TRPM8: variants seen among roughly 807,000 people sequenced by gnomAD.
The protein encoded by TRPM8 is TRPM8 cationic channel.
TRPM8 carries 110 observed loss-of-function variants against 133.7 expected under a neutral mutation model. That is an observed-to-expected ratio of 0.82 (90% CI 0.70 to 0.96). The LOEUF (loss-of-function observed/expected upper bound fraction) is 0.96. TRPM8 is among the 40% of genes least tolerant of loss of function. The probability of loss-of-function intolerance (pLI) is 0.00; values close to 1 mark genes in which losing one functional copy is unlikely to be tolerated. For synonymous variants in TRPM8, 535 were observed against 532.3 expected, an observed-to-expected ratio of 1.01 and a Z score of -0.07; for missense variants, 1,291 against 1,379.5, an observed-to-expected ratio of 0.94 and a Z score of 1.02.
Position 233,930,001 on chromosome 2 carries a change from G to A in TRPM8, c.118-667G>A, listed in dbSNP as rs544771704. Among the ~76,000 whole-genome samples the A allele has an allele frequency of 1.1e-4, 16 of 152,134 alleles. No individual in the cohort carries two copies. In the East Asian group the frequency reaches 2.7e-3, roughly 26 times the overall value. ...TGTCTTTGGCCATTTTTTTCCCATCGGATTGTCTGTCTCATTCTTACTGAT... is the reference window on the plus strand; with the variant it reads ...TGTCTTTGGCCATTTTTTTCCCATCAGATTGTCTGTCTCATTCTTACTGAT... On this transcript the variant is annotated intron_variant, in intron 2 of 25. Coordinates refer to ENST00000324695, the MANE Select transcript of TRPM8 (RefSeq NM_024080.5).
intron 24 of TRPM8, among the ~76,000 whole-genome samples, chr2:234,010,880 T>C (rs555764077): frequency 6.6e-6 from 1 of 152,346 alleles, no homozygotes; most frequent in African/African-American, 2.4e-5. Context: ...ATTAGGTGCT[T>C]ACTGATAAAT....
intron 2 of TRPM8, among the ~76,000 whole-genome samples, chr2:233,927,976 C>CT (rs61600192): frequency 2.6e-3 from 88 of 34,148 alleles, no homozygotes; most frequent in African/African-American, 0.012. Flanking sequence ...TTCTTTCTTT[C>CT]TTTTTTTTTT....
intron 21 of TRPM8, among the ~76,000 whole-genome samples, chr2:233,994,225 T>C (rs1198030887): frequency 1.3e-5 from 2 of 152,194 alleles, no homozygotes; most frequent in African/African-American, 2.4e-5. Context: ...CGCAGAAACA[T>C]GCAGTGCATT....
intron 19 of TRPM8, among the ~76,000 whole-genome samples, 200 bp from the exon 20 acceptor site, chr2:233,982,853 A>G (rs1234126841): frequency 6.6e-6 from 1 of 152,128 alleles, no homozygotes; most frequent in Admixed American, 6.5e-5. Flanking sequence ...ACCGGTTTTA[A>G]CTCTGGAAGA....
At chr2:233,947,378 G>A (rs1320270785) in intron 8 of TRPM8, 3 of 1,521,830 alleles carry the variant, frequency 2.0e-6, no homozygotes, top group Non-Finnish European at 2.7e-6. Flanking sequence ...TGTGTACTTA[G>A]TGTTGGCCTT....
chr2:234,002,588 A>C (rs6710801), intron 22 of TRPM8, among the ~76,000 whole-genome samples: 1 of 152,118 alleles, frequency 6.6e-6, no homozygotes, highest in Admixed American at 6.5e-5. Context: ...TCAGATCCTG[A>C]TGCTCACTCC....
At chr2:233,928,442 G>T (rs1691614190) in intron 2 of TRPM8, among the ~76,000 whole-genome samples, 1 of 152,152 alleles carries the variant, frequency 6.6e-6, no homozygotes, top group Non-Finnish European at 1.5e-5. Context: ...CTAAGCACAT[G>T]CACACCTCTG....
At chr2:233,932,746 A>G (rs1053715468) in intron 3 of TRPM8, among the ~76,000 whole-genome samples, 3 of 151,972 alleles carry the variant, frequency 2.0e-5, no homozygotes, top group African/African-American at 7.3e-5. Flanking sequence ...GAAGGTATGC[A>G]AGGATGCAGG....
chr2:233,967,368 A>G (rs970137516), intron 15 of TRPM8, among the ~76,000 whole-genome samples: 1 of 152,164 alleles, frequency 6.6e-6, no homozygotes, highest in Non-Finnish European at 1.5e-5. Context: ...CAGTTGTAGA[A>G]ATGTGGGTGT....
intron 24 of TRPM8, among the ~76,000 whole-genome samples, chr2:234,009,688 C>T (rs922962429): frequency 6.6e-6 from 1 of 152,136 alleles, no homozygotes; most frequent in African/African-American, 2.4e-5. Flanking sequence ...AAATTTCCCC[C>T]TCTGTCCTCT....
intron 21 of TRPM8, among the ~76,000 whole-genome samples, chr2:233,988,198 A>T (rs7601861): frequency 0.76 from 116,208 of 151,906 alleles, 44,709 homozygotes; most frequent in Middle Eastern, 0.82. Flanking sequence ...AACAGGGTGA[A>T]CTGCTATGCC....
chr2:233,942,091 T>A (rs1559522086), intron 5 of TRPM8, among the ~76,000 whole-genome samples: 1 of 138,876 alleles, frequency 7.2e-6, no homozygotes, highest in African/African-American at 3.2e-5. Context: ...TTTTTTTTTT[T>A]CTTTTTGAGA....
Position 233,939,177 on chromosome 2 carries a change from T to C in TRPM8, c.526+2T>C, listed in dbSNP as rs778621258. 5.0e-6 allele frequency: 8 copies of C among 1,612,918 alleles called. No homozygotes were observed. The highest frequency in any genetic ancestry group is 2.2e-5 in the East Asian group (1 of 44,850). On this transcript the variant is annotated splice_donor_variant, in intron 5 of 25. Coordinates refer to ENST00000324695, the MANE Select transcript of TRPM8 (RefSeq NM_024080.5). LOFTEE classifies it high-confidence loss of function. ...TCATCTACATCGCGCAGTCCAAAGG[T>C]GAGGGTGGGAGCAGCGACCGCGGGT...
intron 5 of TRPM8, among the ~76,000 whole-genome samples, chr2:233,940,427 T>C (rs1690877892): frequency 6.6e-6 from 1 of 152,238 alleles, no homozygotes; most frequent in Non-Finnish European, 1.5e-5. Flanking sequence ...GCTTCCTTGC[T>C]ACTAAATCCT....
chr2:233,964,551 CAAAAAAAAA>C (rs34817253), intron 13 of TRPM8, 68 bp from the exon 14 acceptor site: 91 of 571,630 alleles, frequency 1.6e-4, no homozygotes, highest in East Asian at 1.0e-3. Flanking sequence ...GACTCCGTCT[CAAAAAAAAA>C]AAAAAAAAAA....
chr2:233,986,593 G>C (rs562180470), intron 21 of TRPM8, among the ~76,000 whole-genome samples: 3 of 152,232 alleles, frequency 2.0e-5, no homozygotes, highest in Non-Finnish European at 4.4e-5. Context: ...TACATTATCT[G>C]TTAAACCTTT....
intron 3 of TRPM8, among the ~76,000 whole-genome samples, chr2:233,931,629 G>A (rs1691680856): frequency 1.3e-5 from 2 of 152,276 alleles, no homozygotes; most frequent in South Asian, 4.1e-4. Flanking sequence ...TCTAGCAAAA[G>A]TATACCTCAT....
intron 21 of TRPM8, among the ~76,000 whole-genome samples, chr2:233,986,963 G>C (rs1023446046): frequency 6.6e-6 from 1 of 152,230 alleles, no homozygotes; most frequent in Non-Finnish European, 1.5e-5. Context: ...GGAGTCTCTG[G>C]TGTTGGGATG....
chr2:233,979,127 C>T (rs1296090754), intron 17 of TRPM8, among the ~76,000 whole-genome samples: 1 of 152,212 alleles, frequency 6.6e-6, no homozygotes, highest in Non-Finnish European at 1.5e-5. Context: ...CAGATGGACT[C>T]CTATTGGTGA....
Sources: allele counts gnomAD v4.1 joint callset (sites outside exome capture counted in the v4.1 genomes callset), GRCh38; gene constraint gnomAD v4.1.1; transcripts MANE v1.5; gene names NCBI Gene and HGNC (gene_info 2026-07-23, HGNC 2026-07-21).